STARD13: variants seen among roughly 807,000 people sequenced by gnomAD.
STARD13 encodes the protein stAR-related lipid transfer protein 13.
A neutral mutation model predicts 106.4 loss-of-function variants in STARD13; 62 were observed. That is an observed-to-expected ratio of 0.58 (90% CI 0.48 to 0.72). The LOEUF (loss-of-function observed/expected upper bound fraction) is 0.72, where lower values mean the gene tolerates loss of function less well. STARD13 is among the 30% of genes least tolerant of loss of function. STARD13 has a pLI of 0.00. For synonymous variants in STARD13, 565 were observed against 553.0 expected (o/e 1.02, Z -0.31); for missense variants, 1,387 against 1,424.0 (o/e 0.97, Z 0.42).
Position 33,110,795 on chromosome 13 carries a change from T to G in STARD13, c.2720A>C (p.His907Pro). Residue 907 changes from histidine to proline, a missense_variant, in exon 11 of 14, where the codon CAC (histidine) becomes CCC (proline). His to Pro is a moderately conservative substitution (Grantham distance 77). Coordinates refer to ENST00000336934, the MANE Select transcript of STARD13 (RefSeq NM_178006.4). ...CTGGATGAGATGGTTCAGGTAAGTG[T>G]GGAAAGTTGCCCCACTCTCCTCCAG... is the stretch of plus-strand genomic sequence containing the variant. ...TQLEESGATF[H>P]TYLNHLIQGL... 6.2e-7 allele frequency: 1 copy of G among 1,614,182 alleles called. No homozygotes were observed. Among genetic ancestry groups the G allele is most frequent in the East Asian group, 2.2e-5 (1 of 44,882 alleles).
chr13:33,373,992 C>A, the STARD13 span, among the ~76,000 whole-genome samples: 1 of 152,036 alleles, frequency 6.6e-6, no homozygotes, highest in South Asian at 2.1e-4. Flanking sequence ...ACACACATAT[C>A]CATAACTGCA....
At chr13:33,294,485 C>A (rs2138441840) in intron 1 of STARD13, among the ~76,000 whole-genome samples, 1 of 152,354 alleles carries the variant, frequency 6.6e-6, no homozygotes, top group South Asian at 2.1e-4. Flanking sequence ...CATGTAGCTT[C>A]ATTTGCTCTT....
At chr13:33,326,770 T>C (rs1214217913) in intron 1 of STARD13, among the ~76,000 whole-genome samples, 10 of 152,260 alleles carry the variant, frequency 6.6e-5, no homozygotes, top group Admixed American at 4.6e-4. Context: ...GGTTATCTTA[T>C]GTATTAGGTT....
chr13:33,273,508 G>A (rs900927273), intron 1 of STARD13, among the ~76,000 whole-genome samples: 2 of 152,158 alleles, frequency 1.3e-5, no homozygotes, highest in African/African-American at 4.8e-5. Context: ...TAACGCAAAA[G>A]AATCCACAAT....
the STARD13 span, among the ~76,000 whole-genome samples, chr13:33,404,628 T>C: frequency 4.6e-5 from 7 of 152,126 alleles, no homozygotes; most frequent in Non-Finnish European, 8.8e-5. Flanking sequence ...AAACACCACA[T>C]GTGGGCATTG....
the STARD13 span, among the ~76,000 whole-genome samples, chr13:33,390,946 G>A: frequency 6.9e-4 from 105 of 151,996 alleles, no homozygotes; most frequent in Non-Finnish European, 1.8e-4. Flanking sequence ...TTCTTTAACA[G>A]GACATACTGA....
the STARD13 span, among the ~76,000 whole-genome samples, chr13:33,492,538 C>G: frequency 3.9e-5 from 6 of 152,256 alleles, no homozygotes; most frequent in East Asian, 1.2e-3. Flanking sequence ...AGAAGCCAAA[C>G]AAAACCTACC....
At chr13:33,105,809 G>T in intron 13 of STARD13, 99 bp from the exon 14 acceptor site, 1 of 971,750 alleles carries the variant, frequency 1.0e-6, no homozygotes, top group Non-Finnish European at 1.7e-6. Flanking sequence ...CCGATGACCA[G>T]TGAACCTGCA....
chr13:33,232,384 C>T (rs191536824), intron 1 of STARD13, among the ~76,000 whole-genome samples: 87 of 152,088 alleles, frequency 5.7e-4, no homozygotes, highest in East Asian at 1.9e-4. Flanking sequence ...TATTGTTGTA[C>T]GGTTATTCTT....
At chr13:33,458,059 A>T in the STARD13 span, among the ~76,000 whole-genome samples, 1 of 152,162 alleles carries the variant, frequency 6.6e-6, no homozygotes, top group Non-Finnish European at 1.5e-5. Context: ...ATCATCTTAC[A>T]TGGTTATAGT....
Position 33,146,884 on chromosome 13 carries a change from A to G in STARD13, c.324-4511T>C, listed in dbSNP as rs192368089. Among the ~76,000 whole-genome samples the G allele has an allele frequency of 5.9e-3, 896 of 152,296 alleles. 14 individuals carry two copies. The highest frequency in any genetic ancestry group is 0.02 in the African/African-American group (845 of 41,556). ...TCCCCAGCTTTTCAGGAGCTTTGAA[A>G]ATCAACAGCATCACCGTCAGAGTAG... On this transcript the variant is annotated intron_variant, in intron 3 of 13. Coordinates refer to ENST00000336934, the MANE Select transcript of STARD13 (RefSeq NM_178006.4).
At chr13:33,522,452 T>C in the STARD13 span, among the ~76,000 whole-genome samples, 1 of 152,110 alleles carries the variant, frequency 6.6e-6, no homozygotes, top group Admixed American at 6.6e-5. Context: ...TATATTCATT[T>C]TGACAAATGT....
intron 3 of STARD13, among the ~76,000 whole-genome samples, chr13:33,159,015 T>C (rs1882317454): frequency 6.6e-6 from 1 of 152,198 alleles, no homozygotes; most frequent in Non-Finnish European, 1.5e-5. Context: ...TGCTTCGTAA[T>C]ATTTTTGGAG....
the STARD13 span, among the ~76,000 whole-genome samples, chr13:33,457,200 A>T: frequency 6.6e-6 from 1 of 152,244 alleles, no homozygotes; most frequent in African/African-American, 2.4e-5. Context: ...GGCTTTCCTG[A>T]AGAAGCAATC....
At chr13:33,131,059 T>G (rs1878217191) in intron 4 of STARD13, among the ~76,000 whole-genome samples, 1 of 152,202 alleles carries the variant, frequency 6.6e-6, no homozygotes, top group African/African-American at 2.4e-5. Context: ...ACATTGACTC[T>G]AGGTGTCTGG....
At chr13:33,533,562 C>CT in the STARD13 span, among the ~76,000 whole-genome samples, 4,243 of 149,026 alleles carry the variant, frequency 0.028, 78 homozygotes, top group Non-Finnish European at 0.043. Flanking sequence ...AAACAAAGCT[C>CT]TTTTTTTTTT....
At chr13:33,646,134 C>T in the STARD13 span, among the ~76,000 whole-genome samples, 1 of 152,162 alleles carries the variant, frequency 6.6e-6, no homozygotes, top group African/African-American at 2.4e-5. Flanking sequence ...TGCACATACT[C>T]AGAGAGCATG....
intron 1 of STARD13, among the ~76,000 whole-genome samples, chr13:33,298,121 GTTTTTTTTTTTTTTT>G (rs71071090): frequency 5.8e-5 from 3 of 51,914 alleles, no homozygotes; most frequent in African/African-American, 7.4e-5. Flanking sequence ...CCCATCTACA[GTTTTTTTTTTTTTTT>G]TTTTTTTTTT....
At chr13:33,617,614 T>C in the STARD13 span, among the ~76,000 whole-genome samples, 3 of 152,224 alleles carry the variant, frequency 2.0e-5, no homozygotes, top group Non-Finnish European at 4.4e-5. Context: ...ATTAGTAACC[T>C]GAACTACATC....
Sources: gnomAD v4.1 joint callset for allele counts (sites outside exome capture counted in the v4.1 genomes callset) on GRCh38, gnomAD v4.1.1 for gene constraint, MANE v1.5 for transcripts, NCBI Gene and HGNC (gene_info 2026-07-23, HGNC 2026-07-21) for gene names.